Variants in ADAM18 observed in about 807,000 individuals in gnomAD.
The protein encoded by ADAM18 is disintegrin and metalloproteinase domain-containing protein 18.
ADAM18 carries 117 observed loss-of-function variants against 94.4 expected under a neutral mutation model. That is an observed-to-expected ratio of 1.24 (90% CI 1.07 to 1.45). The LOEUF is 1.45. Among genes scored for constraint, ADAM18 ranks in the 40% most tolerant of loss-of-function variants. The probability of loss-of-function intolerance (pLI) is 0.00; values close to 1 mark genes in which losing one functional copy is unlikely to be tolerated. For synonymous variants in ADAM18, 327 were observed against 291.6 expected (o/e 1.12, Z -1.24); for missense variants, 936 against 880.0 (o/e 1.06, Z -0.81).
At chr8:39,617,216 A>G (rs1032335057) in intron 6 of ADAM18, among the ~76,000 whole-genome samples, 1 of 152,228 alleles carries the variant, frequency 6.6e-6, no homozygotes, top group African/African-American at 2.4e-5. Flanking sequence ...GAGAAAACAT[A>G]CATGCAGCCA....
chr8:39,715,357 C>T (rs561314297), intron 18 of ADAM18, among the ~76,000 whole-genome samples: 1 of 151,394 alleles, frequency 6.6e-6, no homozygotes, highest in Non-Finnish European at 1.5e-5. Context: ...GCATGGAATG[C>T]GTATATAATA....
chr8:39,658,176 C>G (rs938198402), intron 12 of ADAM18, among the ~76,000 whole-genome samples: 2 of 152,144 alleles, frequency 1.3e-5, no homozygotes, highest in Non-Finnish European at 2.9e-5. Flanking sequence ...TTAAAAGAAT[C>G]TATGGCAAAT....
intron 2 of ADAM18, among the ~76,000 whole-genome samples, chr8:39,601,140 A>G (rs1002814774): frequency 1.3e-5 from 2 of 152,206 alleles, no homozygotes; most frequent in Non-Finnish European, 2.9e-5. Context: ...AACTATCACA[A>G]GAACAGCACC....
chr8:39,607,620 C>A (rs996706066), intron 3 of ADAM18, among the ~76,000 whole-genome samples: 6 of 152,056 alleles, frequency 3.9e-5, no homozygotes, highest in Non-Finnish European at 8.8e-5. Flanking sequence ...CCAGTGTCTC[C>A]CCCGTAAAAT....
intron 12 of ADAM18, among the ~76,000 whole-genome samples, chr8:39,658,181 G>A (rs1387185435): frequency 6.6e-6 from 1 of 152,122 alleles, no homozygotes; most frequent in Non-Finnish European, 1.5e-5. Flanking sequence ...AGAATCTATG[G>A]CAAATTCCTT....
At chr8:39,614,738 A>G (rs559848449) in intron 6 of ADAM18, among the ~76,000 whole-genome samples, 1 of 152,350 alleles carries the variant, frequency 6.6e-6, no homozygotes, top group African/African-American at 2.4e-5. Context: ...AGTGACACCC[A>G]TAGATTCAAA....
chr8:39,656,433 A>C (rs956613773), intron 12 of ADAM18, among the ~76,000 whole-genome samples: 6 of 152,154 alleles, frequency 3.9e-5, no homozygotes, highest in Non-Finnish European at 2.9e-5. Flanking sequence ...CAATATACAT[A>C]AGAAATAGTC....
intron 12 of ADAM18, among the ~76,000 whole-genome samples, chr8:39,651,345 C>T (rs1468894860): frequency 6.6e-6 from 1 of 152,148 alleles, no homozygotes; most frequent in Non-Finnish European, 1.5e-5. Flanking sequence ...AGACCCTTTA[C>T]GGGTGTCGGG....
At chr8:39,608,390 C>T (rs964693962) in intron 3 of ADAM18, among the ~76,000 whole-genome samples, 1 of 151,808 alleles carries the variant, frequency 6.6e-6, no homozygotes, top group African/African-American at 2.4e-5. Context: ...CCCTCCAATG[C>T]GTCTCATCTC....
chr8:39,685,202 G>A (rs979331210), intron 16 of ADAM18: 2 of 152,394 alleles, frequency 1.3e-5, no homozygotes, highest in Non-Finnish European at 2.9e-5. Context: ...TTGAAGTCCA[G>A]GTGAAGGCAG....
intron 2 of ADAM18, 55 bp downstream of exon 2, chr8:39,585,407 T>C: frequency 8.0e-7 from 1 of 1,249,692 alleles, no homozygotes; most frequent in Non-Finnish European, 1.2e-6. Context: ...AATTTTTATT[T>C]ACCCTTATAT....
chr8:39,593,131 T>C (rs976517385), intron 2 of ADAM18, among the ~76,000 whole-genome samples: 2 of 152,226 alleles, frequency 1.3e-5, no homozygotes, highest in Non-Finnish European at 2.9e-5. Context: ...ATTTTCAGTC[T>C]TCATAGAAAT....
chr8:39,713,805 G>A (rs1822490454), intron 18 of ADAM18, among the ~76,000 whole-genome samples: 1 of 152,198 alleles, frequency 6.6e-6, no homozygotes, highest in South Asian at 2.1e-4. Context: ...ATGCTGGAGA[G>A]GATGTGGAGA....
At position 39,653,494 on chromosome 8, in the gene ADAM18, A is replaced by C. The variant is rs187099303; in HGVS notation, c.1230+4967A>C. On this transcript the variant is annotated intron_variant, in intron 12 of 19. Transcript: ENST00000265707. ...ATAAGTCAATATTAAAAAAGTGAAT[A>C]AATAGCCTTAAAAGAAATCACATCC... 6.0e-3 allele frequency among the ~76,000 whole-genome samples: 912 copies of C among 152,318 alleles called. 5 individuals carry two copies. Among genetic ancestry groups the C allele is most frequent in the African/African-American group, 0.021 (866 of 41,568 alleles).
chr8:39,601,945 T>C (rs1818917402), intron 2 of ADAM18, among the ~76,000 whole-genome samples: 2 of 152,372 alleles, frequency 1.3e-5, no homozygotes, highest in Middle Eastern at 3.4e-3. Context: ...GTCTGGCTTA[T>C]TTCAGTTAGT....
chr8:39,640,441 G>A (rs11998440), intron 10 of ADAM18, among the ~76,000 whole-genome samples: 99,474 of 151,882 alleles, frequency 0.65, 33,298 homozygotes, highest in African/African-American at 0.74. Context: ...GTGGCCATTT[G>A]GGTTGATTCA....
At chr8:39,618,664 C>G (rs955560910) in intron 6 of ADAM18, among the ~76,000 whole-genome samples, 3 of 152,148 alleles carry the variant, frequency 2.0e-5, no homozygotes, top group African/African-American at 4.8e-5. Flanking sequence ...CCTAAAGAGG[C>G]CTAGAAGAGC....
In ADAM18 at chr8:39,609,567, A is replaced by C. The variant is rs1819202840; in HGVS notation, c.344+6A>C. 6.3e-7 allele frequency: 1 copy of C among 1,592,990 alleles called. No homozygotes were observed. Among genetic ancestry groups the C allele is most frequent in the African/African-American group, 1.3e-5 (1 of 74,624 alleles). On this transcript the variant is annotated splice_donor_region_variant and intron_variant, in intron 5 of 19. Coordinates refer to ENST00000265707, the MANE Select transcript of ADAM18 (RefSeq NM_014237.3). ...AGTATATGTTCTGGTCTCAGGTAAT[A>C]GCACCTTATAAGAAATCTATAGATG...
intron 16 of ADAM18, 52 bp from the exon 17 acceptor site, chr8:39,692,548 T>C: frequency 8.6e-7 from 1 of 1,165,952 alleles, no homozygotes; most frequent in Non-Finnish European, 1.2e-6. Flanking sequence ...ATGTTTTTTC[T>C]TGTTTTATAT....
Sources: allele counts gnomAD v4.1 joint callset (sites outside exome capture counted in the v4.1 genomes callset), GRCh38; gene constraint gnomAD v4.1.1; transcripts MANE v1.5; gene names NCBI Gene and HGNC (gene_info 2026-07-23, HGNC 2026-07-21).